The following HIVEP2 variants were observed in gnomAD, a reference collection of about 807,000 sequenced individuals.
The protein encoded by HIVEP2 is HIVEP zinc finger 2.
In HIVEP2, 14 loss-of-function variants were observed where a neutral mutation model predicts 180.7. The ratio of observed to expected loss-of-function variants is 0.08; its 90% confidence interval spans 0.05 to 0.12. The LOEUF (loss-of-function observed/expected upper bound fraction) is 0.12, where lower values mean the gene tolerates loss of function less well. Ranked by LOEUF, HIVEP2 falls within the 10% of genes least tolerant of loss-of-function variation. The pLI is 1.00. For missense variants in HIVEP2, 2,579 were observed against 3,008.5 expected (o/e 0.86, Z 3.34); for synonymous variants, 1,184 against 1,136.4 (o/e 1.04, Z -0.84).
intron 1 of HIVEP2, among the ~76,000 whole-genome samples, chr6:142,888,115 C>T (rs190940702): frequency 6.6e-6 from 1 of 152,288 alleles, no homozygotes; most frequent in East Asian, 1.9e-4. Context: ...AGTTCACTAT[C>T]CTACGCCCAG....
chr6:142,880,824 C>T (rs776907752), intron 1 of HIVEP2, among the ~76,000 whole-genome samples: 4 of 152,122 alleles, frequency 2.6e-5, no homozygotes, highest in Non-Finnish European at 2.9e-5. Flanking sequence ...CTGCAGGTTC[C>T]TCACACCCTC....
intron 1 of HIVEP2, among the ~76,000 whole-genome samples, chr6:142,879,076 A>T (rs972367940): frequency 5.9e-5 from 9 of 152,162 alleles, no homozygotes; most frequent in Non-Finnish European, 1.5e-5. Context: ...CAATGAGATT[A>T]TGTGTGTAAG....
intron 1 of HIVEP2, among the ~76,000 whole-genome samples, chr6:142,868,598 G>A (rs192717876): frequency 1.4e-4 from 22 of 152,246 alleles, no homozygotes; most frequent in African/African-American, 5.1e-4. Flanking sequence ...TTTTCAGTAT[G>A]TGCATGAGGA....
At chr6:142,924,937 A>T (rs1470025237) in intron 1 of HIVEP2, among the ~76,000 whole-genome samples, 2 of 152,202 alleles carry the variant, frequency 1.3e-5, no homozygotes, top group African/African-American at 4.8e-5. Context: ...ATCTGGAGTA[A>T]CTGGTCCCTA....
intron 2 of HIVEP2, among the ~76,000 whole-genome samples, chr6:142,797,284 T>G (rs1223973215): frequency 2.0e-5 from 3 of 152,170 alleles, no homozygotes; most frequent in African/African-American, 7.2e-5. Flanking sequence ...TCATTAAACT[T>G]CATCTATCCA....
intron 1 of HIVEP2, among the ~76,000 whole-genome samples, chr6:142,906,616 G>GA (rs200028882): frequency 9.9e-4 from 147 of 148,224 alleles, no homozygotes; most frequent in African/African-American, 3.2e-3. Flanking sequence ...AACCCCAAAA[G>GA]AAAAAAAAAT....
rs1429159136 is a variant in HIVEP2 at position 142,923,117 on chromosome 6, G to A, written c.-641+21982C>T. The stretch of plus-strand genomic sequence containing the variant: ...TGGGAGGCCAAGGCGGGTGGATCAC[G>A]AGGTCAGGAGTTCAAGACCAGCCTG... On this transcript the variant is annotated intron_variant, in intron 1 of 9. Transcript: ENST00000367603. 3.3e-5 allele frequency among the ~76,000 whole-genome samples: 5 copies of A among 152,218 alleles called. No homozygotes were observed. The East Asian group carries it at 7.7e-4, about 24-fold the overall frequency.
At chr6:142,932,191 C>G (rs1777955870) in intron 1 of HIVEP2, among the ~76,000 whole-genome samples, 1 of 152,096 alleles carries the variant, frequency 6.6e-6, no homozygotes. Context: ...AGTGACTCTT[C>G]TTTATATTTT....
intron 1 of HIVEP2, among the ~76,000 whole-genome samples, chr6:142,936,159 C>T (rs947183633): frequency 4.0e-5 from 6 of 151,720 alleles, no homozygotes; most frequent in Non-Finnish European, 5.9e-5. Context: ...TTTTTTCTTG[C>T]CCATAATAAA....
chr6:142,785,629 A>G (rs1775980984), intron 2 of HIVEP2, among the ~76,000 whole-genome samples: 1 of 152,190 alleles, frequency 6.6e-6, no homozygotes, highest in Non-Finnish European at 1.5e-5. Context: ...AGTGCCCCCC[A>G]ACAAGCTCTG....
chr6:142,818,739 AAG>A (rs1249514163), intron 2 of HIVEP2, among the ~76,000 whole-genome samples: 2 of 119,896 alleles, frequency 1.7e-5, no homozygotes, highest in Non-Finnish European at 3.6e-5. Context: ...AAAGAAAAGA[AAG>A]AAAGAAAGAA....
chr6:142,777,324 T>C (rs1285910124), intron 3 of HIVEP2, among the ~76,000 whole-genome samples: 2 of 152,048 alleles, frequency 1.3e-5, no homozygotes, highest in Non-Finnish European at 2.9e-5. Context: ...CAGGGGATAG[T>C]AACATTAAAT....
intron 2 of HIVEP2, among the ~76,000 whole-genome samples, chr6:142,785,414 A>G (rs76881398): frequency 0.036 from 5,457 of 150,982 alleles, 332 homozygotes; most frequent in African/African-American, 0.12. Flanking sequence ...AAATGGGCCA[A>G]GGTTCTAAAG....
At position 142,772,520 on chromosome 6, in the gene HIVEP2, C is replaced by T; in HGVS notation, c.2219G>A (p.Ser740Asn). The change falls in exon 5 of 10, where the codon AGT (serine) becomes AAT (asparagine). Residue 740 changes from serine (S) to asparagine (N), a missense_variant. Around this residue, in one of 11 missense-constraint regions of HIVEP2, gnomAD observed 524 missense variants for 563.6 expected, o/e 0.93. Coordinates refer to ENST00000367603, the MANE Select transcript of HIVEP2 (RefSeq NM_006734.4). The surrounding 1 kb of genome is among the most constrained non-coding windows in gnomAD (Gnocchi z 4.9). ...TTCGTGTCCAGCCATGGCAAATCCACTCCTGACTCCTTCCTGCATCTGCAG... is the reference window on the plus strand; with the variant it reads ...TTCGTGTCCAGCCATGGCAAATCCATTCCTGACTCCTTCCTGCATCTGCAG... The part of the protein sequence containing the change: ...PKLQMQEGVR[S>N]GFAMAGHENL... 1 of 1,614,160 alleles carries T rather than the reference C, an allele frequency of 6.2e-7. No homozygotes were observed. The highest frequency in any genetic ancestry group is 2.2e-5 in the East Asian group (1 of 44,882).
intron 1 of HIVEP2, among the ~76,000 whole-genome samples, chr6:142,944,073 AG>A (rs1778243054): frequency 6.6e-6 from 1 of 152,128 alleles, no homozygotes; most frequent in African/African-American, 2.4e-5. Flanking sequence ...AGTCCTTTTT[AG>A]TTAGATGCTT....
At chr6:142,756,797 TTATCTATCTATCTATCTATC>T (rs10660970) in intron 9 of HIVEP2, among the ~76,000 whole-genome samples, 13 of 149,910 alleles carry the variant, frequency 8.7e-5, no homozygotes, top group African/African-American at 2.2e-4. Flanking sequence ...AAAAGATACC[TTATCTATCTATCTATCTATC>T]TATCTATCTA....
rs143750043 is a variant in HIVEP2, at chr6:142,860,817, C to T, written c.-640-23770G>A. On this transcript the variant is annotated intron_variant, in intron 1 of 9. Transcript: ENST00000367603. ...GATCCGTAGCCCAGGTACTGGGACCCCTGCTTTACAGGCTATCCATTGCTG... is the reference window on the plus strand; with the variant it reads ...GATCCGTAGCCCAGGTACTGGGACCTCTGCTTTACAGGCTATCCATTGCTG... Among the ~76,000 whole-genome samples the T allele has an allele frequency of 5.2e-3, 793 of 152,290 alleles. 6 individuals carry two copies. The highest frequency in any genetic ancestry group is 0.02 in the Middle Eastern group (6 of 294).
chr6:142,786,231 C>T (rs942705162), intron 2 of HIVEP2, among the ~76,000 whole-genome samples: 7 of 152,132 alleles, frequency 4.6e-5, no homozygotes, highest in Non-Finnish European at 1.0e-4. Flanking sequence ...ACATAGTATG[C>T]TATTAAAGAA....
At chr6:142,925,546 A>G (rs1038637454) in intron 1 of HIVEP2, among the ~76,000 whole-genome samples, 6 of 152,234 alleles carry the variant, frequency 3.9e-5, no homozygotes, top group African/African-American at 1.4e-4. Flanking sequence ...CAAAAAGACA[A>G]ATTTCAAAAA....
Sources: allele counts gnomAD v4.1 joint callset (sites outside exome capture counted in the v4.1 genomes callset), GRCh38; gene constraint gnomAD v4.1.1; regional missense constraint gnomAD v4.1.1; non-coding constraint Gnocchi (gnomAD v3.1); transcripts MANE v1.5; gene names NCBI Gene and HGNC (gene_info 2026-07-23, HGNC 2026-07-21).